FILIP1L: variants seen among roughly 807,000 people sequenced by gnomAD.
FILIP1L encodes filamin A-interacting protein 1-like.
Under a neutral mutation model 96.6 loss-of-function variants are expected in FILIP1L, and 55 were observed. The ratio of observed to expected loss-of-function variants is 0.57; its 90% CI spans 0.46 to 0.71. The LOEUF (loss-of-function observed/expected upper bound fraction) is 0.71. Ranked by LOEUF, FILIP1L falls within the 30% of genes least tolerant of loss-of-function variation. The probability of loss-of-function intolerance (pLI) is 0.00; values close to 1 mark genes in which losing one functional copy is unlikely to be tolerated. For missense variants in FILIP1L, 1,304 were observed against 1,321.2 expected (o/e 0.99, Z 0.20); for synonymous variants, 467 against 473.9 (o/e 0.99, Z 0.19).
At chr3:99,920,153 C>T (rs1422505001) in intron 4 of FILIP1L, among the ~76,000 whole-genome samples, 1 of 152,120 alleles carries the variant, frequency 6.6e-6, no homozygotes, top group Non-Finnish European at 1.5e-5. Context: ...TTCTTTCCTG[C>T]TTTAGTTGTT....
chr3:99,889,005 G>A (rs1484305053), intron 4 of FILIP1L, among the ~76,000 whole-genome samples: 2 of 152,022 alleles, frequency 1.3e-5, no homozygotes, highest in South Asian at 2.1e-4. Flanking sequence ...TCTATCCTTT[G>A]ACATTAAGGT....
chr3:99,878,318 C>A (rs1412313113), intron 4 of FILIP1L, among the ~76,000 whole-genome samples: 1 of 152,182 alleles, frequency 6.6e-6, no homozygotes, highest in East Asian at 1.9e-4. Context: ...ATTTAATCTT[C>A]ACAACACATT....
Position 100,019,353 on chromosome 3 carries a change from G to T in FILIP1L, c.-10-88323C>A, listed in dbSNP as rs78150487. Among the ~76,000 whole-genome samples, 102 of 152,056 alleles carry T rather than the reference G, an allele frequency of 6.7e-4. 3 individuals are homozygous for T. In the East Asian group the frequency reaches 0.017, roughly 25 times the overall value. ...CCAGCCTGGGTGAAACAGCCAAGGGGTAAAAGACATAAAAATATGAATTGA... is the reference window on the plus strand; with the variant it reads ...CCAGCCTGGGTGAAACAGCCAAGGGTTAAAAGACATAAAAATATGAATTGA... On this transcript the variant is annotated intron_variant, in intron 1 of 5. Transcript: ENST00000477258.
At chr3:99,914,720 C>A (rs1346538609) in intron 4 of FILIP1L, among the ~76,000 whole-genome samples, 1 of 152,138 alleles carries the variant, frequency 6.6e-6, no homozygotes, top group Non-Finnish European at 1.5e-5. Context: ...TATAAGAATT[C>A]TAAAACAATA....
At chr3:100,106,231 G>A (rs2066393301) in intron 1 of FILIP1L, among the ~76,000 whole-genome samples, 1 of 152,120 alleles carries the variant, frequency 6.6e-6, no homozygotes, top group East Asian at 1.9e-4. Flanking sequence ...ACCATTATGA[G>A]CAGAGGTGCA....
chr3:100,106,858 T>C (rs115114048), intron 1 of FILIP1L, among the ~76,000 whole-genome samples: 1,858 of 152,302 alleles, frequency 0.012, 24 homozygotes, highest in African/African-American at 0.028. Flanking sequence ...GGTTATATTG[T>C]TGCTTTTTAA....
At chr3:99,971,604 C>A (rs1454443568) in intron 1 of FILIP1L, among the ~76,000 whole-genome samples, 6 of 152,202 alleles carry the variant, frequency 3.9e-5, no homozygotes, top group African/African-American at 1.4e-4. Flanking sequence ...TGTCTTGTAG[C>A]CACTCCCTGA....
intron 1 of FILIP1L, among the ~76,000 whole-genome samples, chr3:100,093,898 A>C (rs534080264): frequency 1.3e-5 from 2 of 152,142 alleles, no homozygotes; most frequent in Non-Finnish European, 2.9e-5. Context: ...TTTTTTGGCT[A>C]TTACAAATAA....
At chr3:99,836,116 A>C (rs1942885901) in intron 5 of FILIP1L, among the ~76,000 whole-genome samples, 1 of 152,182 alleles carries the variant, frequency 6.6e-6, no homozygotes, top group Non-Finnish European at 1.5e-5. Context: ...AATTGCTGTG[A>C]TCAGAATGGT....
chr3:99,854,028 T>G (rs1576515346), intron 4 of FILIP1L, among the ~76,000 whole-genome samples: 1 of 152,178 alleles, frequency 6.6e-6, no homozygotes, highest in East Asian at 1.9e-4. Context: ...GAAAGACAGC[T>G]GGTTATGCTA....
chr3:99,928,822 G>C (rs1425814472), intron 3 of FILIP1L, among the ~76,000 whole-genome samples: 1 of 152,162 alleles, frequency 6.6e-6, no homozygotes, highest in Admixed American at 6.5e-5. Flanking sequence ...TCACTTGAAT[G>C]CAGCTCTGGT....
chr3:99,845,659 C>A (rs1280164327), intron 5 of FILIP1L, among the ~76,000 whole-genome samples: 1 of 152,104 alleles, frequency 6.6e-6, no homozygotes, highest in Non-Finnish European at 1.5e-5. Flanking sequence ...TATAAGAAAT[C>A]TTTTCAAAAT....
At chr3:99,996,719 C>T (rs934573741) in intron 1 of FILIP1L, among the ~76,000 whole-genome samples, 2 of 151,912 alleles carry the variant, frequency 1.3e-5, no homozygotes, top group African/African-American at 4.8e-5. Flanking sequence ...GATGCAAAAG[C>T]GGAAACTCCT....
intron 4 of FILIP1L, among the ~76,000 whole-genome samples, chr3:99,867,614 T>A (rs1434599765): frequency 6.6e-6 from 1 of 152,168 alleles, no homozygotes; most frequent in Non-Finnish European, 1.5e-5. Flanking sequence ...CTTGTCACCT[T>A]AGCTGCAACA....
intron 1 of FILIP1L, among the ~76,000 whole-genome samples, chr3:99,963,171 G>A (rs1708545044): frequency 6.6e-6 from 1 of 152,158 alleles, no homozygotes. Context: ...TTACTCTTAG[G>A]GAAACCTTTC....
chr3:100,095,672 A>G (rs879686611), intron 1 of FILIP1L, among the ~76,000 whole-genome samples: 1 of 152,198 alleles, frequency 6.6e-6, no homozygotes, highest in Non-Finnish European at 1.5e-5. Flanking sequence ...AAACTGAAAC[A>G]GGAAAACATT....
At chr3:100,074,668 A>C (rs1233291488) in intron 1 of FILIP1L, among the ~76,000 whole-genome samples, 1 of 72,300 alleles carries the variant, frequency 1.4e-5, no homozygotes, top group African/African-American at 4.7e-5. Context: ...TGCATGTGCA[A>C]CATTTGATTT....
chr3:100,037,264 AACTT>A (rs1254675317), intron 1 of FILIP1L, among the ~76,000 whole-genome samples: 1 of 152,168 alleles, frequency 6.6e-6, no homozygotes, highest in Non-Finnish European at 1.5e-5. Context: ...TGATGTCTGC[AACTT>A]ACTCAGATGG....
At chr3:100,025,301 T>C (rs1236700076) in intron 1 of FILIP1L, 1 of 152,156 alleles carries the variant, frequency 6.6e-6, no homozygotes, top group African/African-American at 2.4e-5. Context: ...TGCTTTTGGG[T>C]TTGAGCCAGA....
Sources: allele counts gnomAD v4.1 joint callset (sites outside exome capture counted in the v4.1 genomes callset), GRCh38; gene constraint gnomAD v4.1.1; transcripts MANE v1.5; gene names NCBI Gene and HGNC (gene_info 2026-07-23, HGNC 2026-07-21).